The following DNM2 variants were observed in gnomAD, a reference collection of about 807,000 sequenced individuals.
DNM2 encodes dynamin-2.
A neutral mutation model predicts 99.0 loss-of-function variants in DNM2; 15 were observed. That is an observed-to-expected ratio of 0.15 (90% CI 0.10 to 0.23). The LOEUF (loss-of-function observed/expected upper bound fraction) is 0.23. Ranked by LOEUF, DNM2 falls within the 10% of genes least tolerant of loss-of-function variation. The pLI is 1.00. For synonymous variants in DNM2, 525 were observed against 481.2 expected, an observed-to-expected ratio of 1.09 and a Z score of -1.19; for missense variants, 742 against 1,189.4, an observed-to-expected ratio of 0.62 and a Z score of 5.53.
chr19:10,795,963 T>A lies in DNM2; in HGVS notation c.1196+524T>A. On this transcript the variant is annotated intron_variant, in intron 9 of 20. Transcript: ENST00000389253. The surrounding 1 kb of genome is among the most constrained non-coding windows in gnomAD (Gnocchi z 4.2). ...GACCCCACACATGACACAACCTTCATTCCTTGTTGGGGACCCGGCCAGGGC... is the reference window on the plus strand; with the variant it reads ...GACCCCACACATGACACAACCTTCAATCCTTGTTGGGGACCCGGCCAGGGC... The A allele has an allele frequency of 6.3e-7, 1 of 1,592,950 alleles. No homozygotes were observed. The highest frequency in any genetic ancestry group is 8.5e-7 in the Non-Finnish European group (1 of 1,170,662).
intron 1 of DNM2, among the ~76,000 whole-genome samples, chr19:10,756,572 C>T (rs1190069721): frequency 6.6e-6 from 1 of 152,160 alleles, no homozygotes. Flanking sequence ...GCCTGGCAGG[C>T]AGGTCCCTCG....
chr19:10,722,774 C>T (rs776843228), intron 1 of DNM2, among the ~76,000 whole-genome samples: 1 of 152,004 alleles, frequency 6.6e-6, no homozygotes, highest in African/African-American at 2.4e-5. Context: ...ACTACAGGCA[C>T]GTGCCACCAC....
intron 2 of DNM2, among the ~76,000 whole-genome samples, chr19:10,771,903 G>A (rs979283856): frequency 2.6e-5 from 4 of 152,036 alleles, no homozygotes; most frequent in Non-Finnish European, 5.9e-5. Context: ...AGTTTGCAAA[G>A]TGCCACATGG....
intron 18 of DNM2, among the ~76,000 whole-genome samples, chr19:10,828,295 A>G (rs1893717128): frequency 6.7e-6 from 1 of 148,242 alleles, no homozygotes; most frequent in African/African-American, 2.5e-5. Context: ...AAATAAAGAT[A>G]TAACAGGATT....
chr19:10,745,784 G>A (rs1481300799), intron 1 of DNM2, among the ~76,000 whole-genome samples: 1 of 152,154 alleles, frequency 6.6e-6, no homozygotes, highest in Non-Finnish European at 1.5e-5. Context: ...ATGAAGGGGA[G>A]GTGGGCATCA....
In DNM2 at chr19:10,765,971, G is replaced by A. The variant is rs1301551914; in HGVS notation, c.235+6160G>A. 6.6e-6 allele frequency among the ~76,000 whole-genome samples: 1 copy of A among 152,226 alleles called. No individual in the cohort carries two copies. Among genetic ancestry groups the A allele is most frequent in the East Asian group, 1.9e-4 (1 of 5,202 alleles). ...TCCCTGAGACTAACAGCTGAGCCGT[G>A]TTTGTGCTCCTGATGGGATTTGATC... On this transcript the variant is annotated intron_variant, in intron 2 of 20. Coordinates refer to ENST00000389253, the MANE Select transcript of DNM2 (RefSeq NM_001005361.3). This position sits in a 1 kb window ranked among gnomAD's most constrained non-coding sequence, Gnocchi z 4.4.
At chr19:10,806,780 C>T (rs1156254038) in intron 13 of DNM2, among the ~76,000 whole-genome samples, 1 of 152,004 alleles carries the variant, frequency 6.6e-6, no homozygotes, top group Admixed American at 6.6e-5. Flanking sequence ...GTGACAGGGC[C>T]AGACTCTGTC....
Position 10,817,089 on chromosome 19 carries a change from C to T in DNM2, c.1672-2891C>T, listed in dbSNP as rs2072769927. 1.3e-5 allele frequency among the ~76,000 whole-genome samples: 2 copies of T among 152,228 alleles called. No homozygotes were observed. The highest frequency in any genetic ancestry group is 1.3e-4 in the Admixed American group (2 of 15,290). ...ACCCAAGTTAGGATCCCAGCAGGGA[C>T]CCTTGGAGTCACACACGTGGCAGCC... On this transcript the variant is annotated intron_variant, in intron 15 of 20. Transcript: ENST00000389253. This position sits in a 1 kb window ranked among gnomAD's most constrained non-coding sequence, Gnocchi z 4.6.
intron 16 of DNM2, among the ~76,000 whole-genome samples, chr19:10,821,847 AC>A (rs1157026335): frequency 6.6e-6 from 1 of 151,960 alleles, no homozygotes; most frequent in Non-Finnish European, 1.5e-5. Flanking sequence ...CCCGACTTCT[AC>A]TTCTTTGTCC....
At chr19:10,788,932 T>G (rs1376010538) in intron 7 of DNM2, among the ~76,000 whole-genome samples, 1 of 152,230 alleles carries the variant, frequency 6.6e-6, no homozygotes, top group African/African-American at 2.4e-5. Context: ...CAGGCAGTAG[T>G]GCATGGTCGT....
Position 10,775,684 on chromosome 19 carries a change from C to A in DNM2, c.386-19C>A, listed in dbSNP as rs1421180020. ...CCTCTCCTGGCTCTGAATGCCTTTCCTTCTGGTTTCCCTCCCAGTGTTGAA... is the reference window on the plus strand; with the variant it reads ...CCTCTCCTGGCTCTGAATGCCTTTCATTCTGGTTTCCCTCCCAGTGTTGAA... On this transcript the variant is annotated intron_variant, in intron 3 of 20. Transcript: ENST00000389253. This position sits in a 1 kb window ranked among gnomAD's most constrained non-coding sequence, Gnocchi z 4.3. 2 of 1,613,970 alleles carry A rather than the reference C, an allele frequency of 1.2e-6. No individual in the cohort carries two copies. Among genetic ancestry groups the A allele is most frequent in the African/African-American group, 2.7e-5 (2 of 74,922 alleles).
chr19:10,814,273 T>C (rs2072658161), intron 15 of DNM2, among the ~76,000 whole-genome samples: 1 of 152,140 alleles, frequency 6.6e-6, no homozygotes, highest in African/African-American at 2.4e-5. Context: ...GAGACCAGCC[T>C]GACCAACATG....
chr19:10,808,702 C>G, intron 14 of DNM2, 122 bp downstream of exon 14: 1 of 1,311,102 alleles, frequency 7.6e-7, no homozygotes. Context: ...AAAAATCGAG[C>G]TAACCTGGAA....
intron 1 of DNM2, among the ~76,000 whole-genome samples, chr19:10,736,372 A>G (rs886167074): frequency 6.6e-6 from 1 of 152,022 alleles, no homozygotes; most frequent in Non-Finnish European, 1.5e-5. Context: ...TCAGCCTTCC[A>G]CAGTGCTGGC....
At chr19:10,749,251 T>C (rs563244262) in intron 1 of DNM2, among the ~76,000 whole-genome samples, 9 of 152,260 alleles carry the variant, frequency 5.9e-5, no homozygotes, top group African/African-American at 1.7e-4. Context: ...CCCACCCTCA[T>C]AGGGGCTGGA....
At chr19:10,779,324 T>C (rs2071264307) in intron 5 of DNM2, among the ~76,000 whole-genome samples, 1 of 151,830 alleles carries the variant, frequency 6.6e-6, no homozygotes, top group African/African-American at 2.4e-5. Context: ...ATCAGCCCTA[T>C]AGCCCACACA....
chr19:10,762,169 A>G (rs2070655595), intron 2 of DNM2, among the ~76,000 whole-genome samples: 2 of 151,908 alleles, frequency 1.3e-5, no homozygotes, highest in Non-Finnish European at 2.9e-5. Flanking sequence ...CAGCCTCCTG[A>G]GCATCTACAG....
At chr19:10,725,372 G>A (rs1234245352) in intron 1 of DNM2, among the ~76,000 whole-genome samples, 1 of 151,810 alleles carries the variant, frequency 6.6e-6, no homozygotes, top group Non-Finnish European at 1.5e-5. Flanking sequence ...CTTGAACCCA[G>A]GAGGAGGAAC....
chr19:10,784,319 G>A (rs2071481478), intron 6 of DNM2, among the ~76,000 whole-genome samples: 1 of 152,218 alleles, frequency 6.6e-6, no homozygotes, highest in African/African-American at 2.4e-5. Flanking sequence ...CGGGGGCCGG[G>A]AAAAGAGCCA....
Sources: allele counts gnomAD v4.1 joint callset (sites outside exome capture counted in the v4.1 genomes callset), GRCh38; gene constraint gnomAD v4.1.1; non-coding constraint Gnocchi (gnomAD v3.1); transcripts MANE v1.5; gene names NCBI Gene and HGNC (gene_info 2026-07-23, HGNC 2026-07-21).